The following TPO variants were observed in gnomAD, a reference collection of about 807,000 sequenced individuals.
TPO encodes the protein thyroid microsomal antigen.
TPO carries 78 observed loss-of-function variants against 96.9 expected under a neutral mutation model. The ratio of observed to expected loss-of-function variants is 0.81; its 90% CI spans 0.67 to 0.97. The LOEUF (loss-of-function observed/expected upper bound fraction) is 0.97. Ranked by LOEUF, TPO falls within the 50% of genes least tolerant of loss-of-function variation. The pLI, the probability that TPO is intolerant of heterozygous loss-of-function variation, is 0.00. For missense variants in TPO, 1,252 were observed against 1,274.8 expected, an observed-to-expected ratio of 0.98 and a Z score of 0.27; for synonymous variants, 547 against 538.0, an observed-to-expected ratio of 1.02 and a Z score of -0.23.
At chr2:1,403,856 C>T (rs11675342) in intron 1 of TPO, among the ~76,000 whole-genome samples, 61,767 of 151,954 alleles carry the variant, frequency 0.41, 12,870 homozygotes, top group South Asian at 0.56. Context: ...CTGCACGCAG[C>T]GGCAGCATGG....
chr2:1,470,534 T>A (rs1422128320), intron 7 of TPO, among the ~76,000 whole-genome samples: 1 of 148,946 alleles, frequency 6.7e-6, no homozygotes, highest in Non-Finnish European at 1.5e-5. Flanking sequence ...TATAATAATA[T>A]ATATATAAAT....
At chr2:1,537,552 C>T (rs1680092823) in intron 15 of TPO, among the ~76,000 whole-genome samples, 1 of 71,160 alleles carries the variant, frequency 1.4e-5, no homozygotes. Flanking sequence ...TGTGCAACCT[C>T]CTGAAATCCC....
intron 16 of TPO, 61 bp downstream of exon 16, chr2:1,540,784 T>G (rs909446317): frequency 6.2e-7 from 1 of 1,612,734 alleles, no homozygotes; most frequent in Non-Finnish European, 8.5e-7. Flanking sequence ...AGGATCTGGG[T>G]GTCGGAGCAG....
rs1678720318 is a variant in TPO, at chr2:1,533,140, C to G, written c.2619-7454C>G. On this transcript the variant is annotated intron_variant, in intron 15 of 16. Transcript: ENST00000329066. Reference sequence around the variant, plus strand: ...TCCCCAAATCCCCCACTGTGTGCAACGTCCCCAAATCCCCCCACTGTGAGC... The same window carrying G: ...TCCCCAAATCCCCCACTGTGTGCAAGGTCCCCAAATCCCCCCACTGTGAGC... Among the ~76,000 whole-genome samples the G allele has an allele frequency of 6.3e-5, 8 of 127,230 alleles. No individual in the cohort carries two copies. The South Asian group carries it at 2.2e-3, about 35-fold the overall frequency. 83.5% of individuals were successfully genotyped at this position (127,230 alleles called of 152,430 possible).
intron 1 of TPO, among the ~76,000 whole-genome samples, chr2:1,389,622 G>A (rs1461968138): frequency 6.6e-6 from 1 of 152,024 alleles, no homozygotes; most frequent in African/African-American, 2.4e-5. Flanking sequence ...GCTCAGTAGG[G>A]CTTCCTCCCA....
At chr2:1,517,132 G>T in intron 15 of TPO, 150 bp downstream of exon 15, 1 of 795,390 alleles carries the variant, frequency 1.3e-6, no homozygotes, top group Non-Finnish European at 2.1e-6. Flanking sequence ...TTTGTACAAC[G>T]TAATAGACTC....
chr2:1,446,709 A>G (rs1381321493), intron 5 of TPO, among the ~76,000 whole-genome samples: 2 of 152,200 alleles, frequency 1.3e-5, no homozygotes, highest in Non-Finnish European at 2.9e-5. Flanking sequence ...ATGTTTTACA[A>G]ATGTCTTCTC....
chr2:1,420,215 A>T (rs530219821), intron 2 of TPO, among the ~76,000 whole-genome samples: 1 of 152,374 alleles, frequency 6.6e-6, no homozygotes, highest in East Asian at 1.9e-4. Flanking sequence ...CTTGAATAAC[A>T]ATATATTAAT....
intron 5 of TPO, chr2:1,439,163 C>T (rs34359520): frequency 0.27 from 80,484 of 296,144 alleles, 12,163 homozygotes; most frequent in South Asian, 0.41. Context: ...GTCTTGGGCG[C>T]CTCTGCCCCA....
At chr2:1,379,670 G>A (rs979048634) in intron 1 of TPO, among the ~76,000 whole-genome samples, 22 of 152,256 alleles carry the variant, frequency 1.4e-4, no homozygotes, top group African/African-American at 3.4e-4. Context: ...CCCTGTGTGG[G>A]GACTAAACAC....
At chr2:1,390,054 T>C (rs1661976827) in intron 1 of TPO, among the ~76,000 whole-genome samples, 1 of 151,442 alleles carries the variant, frequency 6.6e-6, no homozygotes, top group Non-Finnish European at 1.5e-5. Context: ...AGTTCTAGGG[T>C]ACACATGCAC....
At chr2:1,443,601 G>A (rs1666430783) in intron 5 of TPO, among the ~76,000 whole-genome samples, 1 of 141,872 alleles carries the variant, frequency 7.0e-6, no homozygotes, top group African/African-American at 2.7e-5. Flanking sequence ...TCCAGTCATT[G>A]CTGCAGGAGG....
rs552769137 is a variant in TPO, at chr2:1,536,641, T to TCCC, written c.2619-3945_2619-3943dup. ...CCTAGCTTTGTGAAACCTCCCCAAA[T>TCCC]CCCCCCCCCCACTGTGTGCAACCTC... On this transcript the variant is annotated intron_variant, in intron 15 of 16. Coordinates refer to ENST00000329066, the MANE Select transcript of TPO (RefSeq NM_001206744.2). Among the ~76,000 whole-genome samples the TCCC allele has an allele frequency of 1.7e-3, 26 of 15,608 alleles. 1 individual carries two copies. The highest frequency in any genetic ancestry group is 6.7e-3 in the African/African-American group (21 of 3,124). The allele number at this position is 15,608 out of a possible 152,430, so 10.2% of individuals were successfully genotyped here.
intron 1 of TPO, among the ~76,000 whole-genome samples, chr2:1,384,442 G>T (rs1200458816): frequency 6.6e-6 from 1 of 152,102 alleles, no homozygotes; most frequent in Admixed American, 6.6e-5. Context: ...TTGTAAGTTG[G>T]ATTCCTAGGT....
At chr2:1,452,088 C>T (rs973149587) in intron 5 of TPO, among the ~76,000 whole-genome samples, 111 of 152,122 alleles carry the variant, frequency 7.3e-4, no homozygotes, top group African/African-American at 2.6e-3. Context: ...TTGCATGTTA[C>T]TTTTTATGTA....
intron 8 of TPO, 57 bp from the exon 9 acceptor site, chr2:1,484,539 A>C (rs924045575): frequency 3.3e-5 from 53 of 1,612,088 alleles, no homozygotes; most frequent in Non-Finnish European, 4.3e-5. Flanking sequence ...CTGCCGCTCG[A>C]GGCGACCCTC....
At chr2:1,378,750 G>A (rs1312323212) in intron 1 of TPO, among the ~76,000 whole-genome samples, 3 of 152,230 alleles carry the variant, frequency 2.0e-5, no homozygotes, top group African/African-American at 7.2e-5. Context: ...GGCAGATGCT[G>A]TGTGCACCTG....
At chr2:1,437,628 C>A (rs1558284629) in intron 5 of TPO, among the ~76,000 whole-genome samples, 1 of 152,240 alleles carries the variant, frequency 6.6e-6, no homozygotes. Flanking sequence ...CCTGGAATCA[C>A]CACCTATCAG....
In TPO at chr2:1,453,733, A is replaced by G. The variant is rs749942449; in HGVS notation, c.522A>G (p.Ala174=). The G allele has an allele frequency of 6.2e-7, 1 of 1,613,912 alleles. No homozygotes were observed. The highest frequency in any genetic ancestry group is 1.3e-5 in the African/African-American group (1 of 75,042). ...GGGGCGCCTCCAACACGGCCCTGGC[A>G]CGATGGCTCCCTCCAGTCTATGAGG... is the stretch of plus-strand genomic sequence containing the variant. The part of the protein sequence containing the change: ...PRWGASNTAL[A]RWLPPVYEDG... Residue 174 remains alanine, a synonymous_variant, in exon 6 of 17, where the codon GCA becomes GCG. Transcript: ENST00000329066.
Sources: gnomAD v4.1 joint callset for allele counts (sites outside exome capture counted in the v4.1 genomes callset) on GRCh38, gnomAD v4.1.1 for gene constraint, MANE v1.5 for transcripts, NCBI Gene and HGNC (gene_info 2026-07-23, HGNC 2026-07-21) for gene names.